HIVEP1: variants seen among roughly 807,000 people sequenced by gnomAD.
HIVEP1 encodes zinc finger protein 40.
HIVEP1 carries 36 observed loss-of-function variants against 180.0 expected under a neutral mutation model. The ratio of observed to expected loss-of-function variants is 0.20; its 90% CI spans 0.15 to 0.26. The LOEUF is 0.26. Among genes scored for constraint, HIVEP1 ranks in the 10% least tolerant of loss-of-function variants. The pLI is 1.00. For missense variants in HIVEP1, 3,143 were observed against 3,268.7 expected, an observed-to-expected ratio of 0.96 and a Z score of 0.94; for synonymous variants, 1,239 against 1,239.0, an observed-to-expected ratio of 1.00 and a Z score of 0.00.
intron 3 of HIVEP1, among the ~76,000 whole-genome samples, chr6:12,104,676 C>A (rs1774326243): frequency 6.6e-6 from 1 of 152,102 alleles, no homozygotes; most frequent in South Asian, 2.1e-4. Flanking sequence ...AAGCAATCTT[C>A]CTGCCTCAAC....
At chr6:12,161,961 T>C in intron 8 of HIVEP1, 32 bp downstream of exon 8, 2 of 1,560,130 alleles carry the variant, frequency 1.3e-6, no homozygotes, top group East Asian at 2.3e-5. Context: ...TTTTATTTCT[T>C]TTTTCGTTTT....
the HIVEP1 span, among the ~76,000 whole-genome samples, chr6:12,182,043 T>G: frequency 2.0e-5 from 3 of 152,222 alleles, no homozygotes; most frequent in Admixed American, 2.0e-4. Flanking sequence ...TATTCTGTAG[T>G]TTATTCTCAG....
intron 2 of HIVEP1, among the ~76,000 whole-genome samples, chr6:12,081,181 C>A (rs1280493280): frequency 6.6e-6 from 1 of 152,194 alleles, no homozygotes; most frequent in Non-Finnish European, 1.5e-5. Context: ...TTCTCCACTT[C>A]TTCATCCGAG....
chr6:12,123,217 C>A lies in HIVEP1; in HGVS notation c.3422C>A (p.Ser1141Tyr). 6.2e-7 allele frequency: 1 copy of A among 1,614,184 alleles called. No individual in the cohort carries two copies. The highest frequency in any genetic ancestry group is 8.5e-7 in the Non-Finnish European group (1 of 1,180,036). ...TGISVIQHTNSLSRPNSFDKP... is the reference protein window; with the variant it reads ...TGISVIQHTNYLSRPNSFDKP... ...ATCTCTGTCATCCAGCACACCAACT[C>A]CCTGAGCAGGCCCAACTCATTTGAC... is the stretch of plus-strand genomic sequence containing the variant. The change falls in exon 4 of 9, where the codon TCC becomes TAC. Residue 1141 changes from serine to tyrosine, a missense_variant. Transcript: ENST00000379388.
At chr6:12,028,823 T>A (rs1768750697) in intron 2 of HIVEP1, among the ~76,000 whole-genome samples, 2 of 152,248 alleles carry the variant, frequency 1.3e-5, no homozygotes. Context: ...AGAACATGTC[T>A]GTCACCCCCA....
chr6:12,072,479 T>C (rs1300381518), intron 2 of HIVEP1, among the ~76,000 whole-genome samples: 1 of 152,146 alleles, frequency 6.6e-6, no homozygotes, highest in Non-Finnish European at 1.5e-5. Flanking sequence ...TAGTATCCTT[T>C]AGAGTCATCT....
chr6:12,038,098 G>T (rs140596647), intron 2 of HIVEP1: 9 of 231,348 alleles, frequency 3.9e-5, no homozygotes, highest in Non-Finnish European at 6.6e-5. Flanking sequence ...CATTAATACC[G>T]TGCAAATTCA....
chr6:12,167,617 T>TGTATATATACATGTTATATTACAC (rs1562023502), downstream of HIVEP1, among the ~76,000 whole-genome samples: 4 of 107,012 alleles, frequency 3.7e-5, no homozygotes, highest in Non-Finnish European at 8.4e-5. Context: ...TTATATTACA[T>TGTATATATACATGTTATATTACAC]GTATATATAC....
chr6:12,011,715 C>T (rs1328133619), upstream of HIVEP1, among the ~76,000 whole-genome samples: 1 of 148,980 alleles, frequency 6.7e-6, no homozygotes, highest in Non-Finnish European at 1.5e-5. Context: ...CGGGGAGACC[C>T]GGGGCACTGG....
intron 3 of HIVEP1, among the ~76,000 whole-genome samples, chr6:12,095,664 T>C (rs1257521900): frequency 6.6e-6 from 1 of 152,008 alleles, no homozygotes; most frequent in African/African-American, 2.4e-5. Context: ...AGTATAAAAG[T>C]ACTCATAGAT....
chr6:12,162,532 G>A (rs1359694737), intron 8 of HIVEP1, among the ~76,000 whole-genome samples: 1 of 152,220 alleles, frequency 6.6e-6, no homozygotes, highest in Non-Finnish European at 1.5e-5. Flanking sequence ...CACGCTCCAT[G>A]TGCTGTGAGT....
chr6:12,202,949 A>C, the HIVEP1 span, among the ~76,000 whole-genome samples: 1 of 152,222 alleles, frequency 6.6e-6, no homozygotes, highest in South Asian at 2.1e-4. Context: ...GTCTGTAATG[A>C]ATGTAAACAC....
intron 2 of HIVEP1, among the ~76,000 whole-genome samples, chr6:12,068,452 T>C (rs1771745639): frequency 6.6e-6 from 1 of 152,304 alleles, no homozygotes; most frequent in Middle Eastern, 3.4e-3. Context: ...GGGTAAAGAA[T>C]CATGTTTTGT....
intron 3 of HIVEP1, among the ~76,000 whole-genome samples, chr6:12,118,049 ATGTT>A (rs1209737570): frequency 2.0e-5 from 3 of 152,194 alleles, no homozygotes; most frequent in Admixed American, 6.5e-5. Flanking sequence ...GAATAAAAAA[ATGTT>A]TGTTCAACAT....
rs1464912823 is a variant in HIVEP1 at position 12,083,503 on chromosome 6, A to G, written c.41-5681A>G. On this transcript the variant is annotated intron_variant, in intron 2 of 8. Transcript: ENST00000379388. ...ACAGTTTGATGTGGAAAGCAAGCAA[A>G]CAGACTCTCAGAATATGCTGTGAGG... Among the ~76,000 whole-genome samples the G allele has an allele frequency of 7.9e-5, 12 of 152,212 alleles. No homozygotes were observed. In the East Asian group the frequency reaches 2.3e-3, roughly 30 times the overall value.
chr6:12,035,803 T>G (rs182825096), intron 2 of HIVEP1, among the ~76,000 whole-genome samples: 23 of 152,242 alleles, frequency 1.5e-4, no homozygotes, highest in African/African-American at 5.3e-4. Flanking sequence ...TAGAAAAACA[T>G]TGAGATTTCA....
intron 3 of HIVEP1, among the ~76,000 whole-genome samples, chr6:12,113,077 T>C (rs1365387489): frequency 6.6e-6 from 1 of 151,968 alleles, no homozygotes; most frequent in Non-Finnish European, 1.5e-5. Context: ...TTCTCTGGCC[T>C]CGTCCTGCCC....
chr6:12,211,352 A>G, the HIVEP1 span, among the ~76,000 whole-genome samples: 1 of 108,098 alleles, frequency 9.3e-6, no homozygotes, highest in Non-Finnish European at 1.8e-5. Context: ...GTGAGCCGAG[A>G]TCGCGCCACT....
Position 12,122,970 on chromosome 6 carries a change from C to T in HIVEP1, c.3175C>T (p.Gln1059Ter). 6.2e-7 allele frequency: 1 copy of T among 1,613,914 alleles called. No individual in the cohort carries two copies. Among genetic ancestry groups the T allele is most frequent in the Non-Finnish European group, 8.5e-7 (1 of 1,179,910 alleles). ...GTSPKSSEGL[Q>*]FQNALGCNPS... ...ATCTCCAAAAAGTTCTGAAGGCCTT[C>T]AGTTTCAGAATGCTCTGGGCTGTAA... is the stretch of plus-strand genomic sequence containing the variant. Residue 1059 changes from glutamine (Q) to a stop codon, truncating the protein, a stop_gained, in exon 4 of 9, where the codon CAG (glutamine) becomes TAG (stop). Transcript: ENST00000379388. LOFTEE classifies it high-confidence loss of function.
Sources: allele counts gnomAD v4.1 joint callset (sites outside exome capture counted in the v4.1 genomes callset), GRCh38; gene constraint gnomAD v4.1.1; transcripts MANE v1.5; gene names NCBI Gene and HGNC (gene_info 2026-07-23, HGNC 2026-07-21).